PCDHA5: variants seen among roughly 807,000 people sequenced by gnomAD.
PCDHA5 encodes the protein protocadherin alpha 5, also known as protocadherin alpha-5.
Under a neutral mutation model 61.6 loss-of-function variants are expected in PCDHA5, and 43 were observed. That is an observed-to-expected ratio of 0.70 (90% CI 0.55 to 0.90). The LOEUF is 0.90. Ranked by LOEUF, PCDHA5 falls within the 40% of genes least tolerant of loss-of-function variation. PCDHA5 has a pLI of 0.00. For synonymous variants in PCDHA5, 627 were observed against 543.9 expected (o/e 1.15, Z -2.13); for missense variants, 1,298 against 1,222.7 (o/e 1.06, Z -0.92).
intron 1 of PCDHA5, chr5:140,882,459 T>G (rs782544853): frequency 6.2e-7 from 1 of 1,613,996 alleles, no homozygotes; most frequent in South Asian, 1.1e-5. Context: ...CCGCGCCTGT[T>G]CCGGGTGGCG....
chr5:140,877,609 C>T (rs1554169925), intron 1 of PCDHA5: 4 of 1,613,876 alleles, frequency 2.5e-6, no homozygotes, highest in Middle Eastern at 1.7e-4. Flanking sequence ...CCTGCTGGTG[C>T]TCACGCTGCT....
intron 1 of PCDHA5, chr5:140,834,529 C>G: frequency 6.2e-7 from 1 of 1,614,054 alleles, no homozygotes; most frequent in Non-Finnish European, 8.5e-7. Context: ...GGCCGCATCG[C>G]GCAGGACCTG....
intron 1 of PCDHA5, chr5:140,927,070 A>G (rs1697871410): frequency 1.9e-6 from 3 of 1,610,816 alleles, no homozygotes; most frequent in Non-Finnish European, 2.5e-6. Context: ...CTTCCTTTCC[A>G]GCCACCGCGA....
intron 1 of PCDHA5, among the ~76,000 whole-genome samples, chr5:140,951,791 A>T (rs375226786): frequency 1.3e-5 from 2 of 152,228 alleles, no homozygotes; most frequent in Non-Finnish European, 2.9e-5. Context: ...AAATACAATT[A>T]TCCCTTCCCA....
chr5:140,883,369 C>A (rs781885590), intron 1 of PCDHA5: 4 of 1,614,064 alleles, frequency 2.5e-6, no homozygotes, highest in Non-Finnish European at 1.7e-6. Context: ...AGCCTAGCGC[C>A]ATTATTGCCC....
Position 140,851,603 on chromosome 5 carries a change from A to C in PCDHA5, c.2352+27476A>C, listed in dbSNP as rs1213150378. 1.6e-5 allele frequency: 15 copies of C among 916,732 alleles called. No individual in the cohort carries two copies. In the African/African-American group the frequency reaches 2.5e-4, roughly 15 times the overall value. The allele number at this position is 916,732 out of a possible 1,614,324, so 56.8% of individuals were successfully genotyped here. On this transcript the variant is annotated intron_variant, in intron 1 of 3. Coordinates refer to ENST00000529859, the MANE Select transcript of PCDHA5 (RefSeq NM_018908.3). ...ACATTTTTTGAAATTCAGTTTACAG[A>C]AATTGGAGAAAATGCTTTTTAAACA...
chr5:140,848,815 A>G, intron 1 of PCDHA5: 4 of 1,591,096 alleles, frequency 2.5e-6, no homozygotes, highest in Non-Finnish European at 2.6e-6. Context: ...ATCCACCTGG[A>G]GGTGATCGTA....
At chr5:140,831,986 C>T (rs2150198716) in intron 1 of PCDHA5, among the ~76,000 whole-genome samples, 20 of 152,252 alleles carry the variant, frequency 1.3e-4, no homozygotes, top group African/African-American at 3.9e-4. Context: ...ACTCTCATTA[C>T]GGATTCCATA....
At chr5:140,850,096 A>C (rs2150466906) in intron 1 of PCDHA5, 2 of 1,596,118 alleles carry the variant, frequency 1.3e-6, no homozygotes, top group African/African-American at 1.3e-5. Context: ...CTACAGTTCC[A>C]GGTGAGCGCG....
chr5:140,826,631 CTT>C (rs1471509298), intron 1 of PCDHA5, among the ~76,000 whole-genome samples: 3 of 152,132 alleles, frequency 2.0e-5, no homozygotes, highest in Non-Finnish European at 4.4e-5. Context: ...TTGGCCCTGA[CTT>C]TTATATGAAG....
intron 1 of PCDHA5, chr5:140,847,362 C>T (rs1444226307): frequency 6.7e-6 from 1 of 149,420 alleles, no homozygotes; most frequent in Non-Finnish European, 1.5e-5. Context: ...AGTAGAAATA[C>T]GAAATAAAAG....
At chr5:140,910,523 T>TC (rs2153515069) in intron 1 of PCDHA5, among the ~76,000 whole-genome samples, 1 of 152,338 alleles carries the variant, frequency 6.6e-6, no homozygotes, top group African/African-American at 2.4e-5. Flanking sequence ...ATGCAGGTAC[T>TC]CCCCTCACAA....
intron 1 of PCDHA5, chr5:140,856,888 TA>T (rs782463832): frequency 1.3e-6 from 2 of 1,596,688 alleles, no homozygotes; most frequent in Non-Finnish European, 1.7e-6. Context: ...TGTATTCATT[TA>T]GCTCTTTGGT....
intron 3 of PCDHA5, among the ~76,000 whole-genome samples, chr5:141,004,523 A>G (rs934216851): frequency 3.3e-5 from 5 of 152,232 alleles, no homozygotes; most frequent in Admixed American, 2.0e-4. Flanking sequence ...CTCTGCCAAT[A>G]CACACAGCCA....
chr5:140,972,280 T>C (rs1210047183), intron 1 of PCDHA5, among the ~76,000 whole-genome samples: 1 of 151,092 alleles, frequency 6.6e-6, no homozygotes, highest in South Asian at 2.1e-4. Context: ...GCTTGGACCA[T>C]AGATGTGCGC....
Position 140,883,541 on chromosome 5 carries a change from G to T in PCDHA5, c.2352+59414G>T, listed in dbSNP as rs781952906. On this transcript the variant is annotated intron_variant, in intron 1 of 3. Coordinates refer to ENST00000529859, the MANE Select transcript of PCDHA5 (RefSeq NM_018908.3). Reference sequence around the variant, plus strand: ...GAGCGTATCAGCCTATGAACTGGTGGTGACCGCGCGGGACGGGGGCTCGCC... The same window carrying T: ...GAGCGTATCAGCCTATGAACTGGTGTTGACCGCGCGGGACGGGGGCTCGCC... 4.3e-6 allele frequency: 7 copies of T among 1,614,116 alleles called. No individual in the cohort carries two copies. In the East Asian group the frequency reaches 1.1e-4, roughly 26 times the overall value.
At chr5:140,911,677 C>T (rs904570548) in intron 1 of PCDHA5, among the ~76,000 whole-genome samples, 4 of 152,118 alleles carry the variant, frequency 2.6e-5, no homozygotes, top group African/African-American at 7.2e-5. Flanking sequence ...TCTCACGAAC[C>T]GTGCATCAGG....
At chr5:141,002,503 A>G (rs924059580) in intron 3 of PCDHA5, among the ~76,000 whole-genome samples, 1 of 152,226 alleles carries the variant, frequency 6.6e-6, no homozygotes, top group African/African-American at 2.4e-5. Flanking sequence ...ACAGCTCAGG[A>G]TCTGAGTCTC....
At chr5:140,922,865 G>A (rs1554201014) in intron 1 of PCDHA5, among the ~76,000 whole-genome samples, 1 of 152,062 alleles carries the variant, frequency 6.6e-6, no homozygotes, top group Non-Finnish European at 1.5e-5. Flanking sequence ...ATAGACAAGG[G>A]GAAAAAATCC....
Sources: gnomAD v4.1 joint callset for allele counts (sites outside exome capture counted in the v4.1 genomes callset) on GRCh38, gnomAD v4.1.1 for gene constraint, MANE v1.5 for transcripts, NCBI Gene and HGNC (gene_info 2026-07-23, HGNC 2026-07-21) for gene names.